Variants in LRP1 observed in about 807,000 individuals in gnomAD.
The protein encoded by LRP1 is LDL receptor related protein 1, also known as prolow-density lipoprotein receptor-related protein 1.
A neutral mutation model predicts 541.5 loss-of-function variants in LRP1; 51 were observed. The observed-to-expected ratio is 0.09, with a 90% CI of 0.08 to 0.12. The LOEUF (loss-of-function observed/expected upper bound fraction) is 0.12. Among genes scored for constraint, LRP1 ranks in the 10% least tolerant of loss-of-function variants. The pLI is 1.00. For synonymous variants in LRP1, 2,219 were observed against 2,470.8 expected, an observed-to-expected ratio of 0.90 and a Z score of 3.02; for missense variants, 3,878 against 6,376.2, an observed-to-expected ratio of 0.61 and a Z score of 13.34.
intron 42 of LRP1, among the ~76,000 whole-genome samples, chr12:57,188,189 C>T (rs144856942): frequency 1.5e-3 from 230 of 152,296 alleles, no homozygotes; most frequent in African/African-American, 5.2e-3. Flanking sequence ...AGGGTTCACC[C>T]GCAGTCAGCC....
At position 57,175,681 on chromosome 12, in the gene LRP1, G is replaced by A. The variant is rs530078568; in HGVS notation, c.3769G>A (p.Asp1257Asn). The A allele has an allele frequency of 8.2e-6, 13 of 1,577,900 alleles. No individual in the cohort carries two copies. The Admixed American group carries it at 1.9e-4, about 23-fold the overall frequency. ...CTACGAGGGCTGGGTCCTGGAACCTGACGGCGAGAGCTGCCGCAGCCTGGG... is the reference window on the plus strand; with the variant it reads ...CTACGAGGGCTGGGTCCTGGAACCTAACGGCGAGAGCTGCCGCAGCCTGGG... ...SCYEGWVLEP[D>N]GESCRSLDPF... The change falls in exon 23 of 89, where the codon GAC (aspartate) becomes AAC (asparagine). Residue 1257 changes from aspartate (D) to asparagine (N), a missense_variant. Asp to Asn is a conservative substitution (Grantham distance 23, BLOSUM62 1). This residue lies in a region of LRP1 where 320 missense variants were observed against 547.9 expected (regional missense o/e 0.58). Coordinates refer to ENST00000243077, the MANE Select transcript of LRP1 (RefSeq NM_002332.3).
intron 6 of LRP1, chr12:57,146,549 T>A (rs2035410171): frequency 6.6e-6 from 1 of 152,098 alleles, no homozygotes; most frequent in Non-Finnish European, 1.5e-5. Flanking sequence ...TCCCAGGAGG[T>A]TACAAGGGAT....
chr12:57,210,564 C>CAGGCG, intron 82 of LRP1, 84 bp downstream of exon 82: 1 of 1,453,116 alleles, frequency 6.9e-7, no homozygotes. Flanking sequence ...GGCAAATGCC[C>CAGGCG]AGCCCCTGCC....
chr12:57,192,981 C>T lies in LRP1; in HGVS notation c.7555+11C>T, dbSNP rs200660908. The T allele has an allele frequency of 6.0e-3, 9,575 of 1,588,270 alleles. 42 individuals carry two copies. Among genetic ancestry groups the T allele is most frequent in the Non-Finnish European group, 7.5e-3 (8,664 of 1,161,444 alleles). On this transcript the variant is annotated intron_variant, in intron 45 of 88. Coordinates refer to ENST00000243077, the MANE Select transcript of LRP1 (RefSeq NM_002332.3). ...ACCTCACCTGCCGAGGTGAGAGAGG[C>T]GGGGGGGAGGGGCTGGCGGGGAACC...
chr12:57,139,198 C>T (rs985613638), intron 2 of LRP1, among the ~76,000 whole-genome samples: 1 of 152,120 alleles, frequency 6.6e-6, no homozygotes, highest in Non-Finnish European at 1.5e-5. Context: ...GGTGGCTCCA[C>T]TTTTAGCCTC....
At chr12:57,153,213 A>T (rs1289479897) in intron 6 of LRP1, among the ~76,000 whole-genome samples, 6 of 152,136 alleles carry the variant, frequency 3.9e-5, no homozygotes. Context: ...TGAAGGGGGT[A>T]GTGAGTAGAT....
intron 6 of LRP1, among the ~76,000 whole-genome samples, chr12:57,147,781 G>C (rs1442064994): frequency 6.6e-6 from 1 of 152,188 alleles, no homozygotes. Flanking sequence ...CATGTGTCCT[G>C]GGCCATGTGA....
rs750572405 is a variant in LRP1, at chr12:57,212,005, G to A, written c.13337G>A (p.Arg4446Gln). ...LVAGVVFWYK[R>Q]RVQGAKGFQH... is the part of the protein sequence containing the mutation. ...GCCGGAGTGGTATTCTGGTATAAGCGGCGAGTCCAAGGGTGAGTCACAGGG... is the reference window on the plus strand; with the variant it reads ...GCCGGAGTGGTATTCTGGTATAAGCAGCGAGTCCAAGGGTGAGTCACAGGG... The change falls in exon 87 of 89, where the codon CGG becomes CAG. Residue 4446 changes from arginine (R) to glutamine (Q), a missense_variant. Arg to Gln is a conservative substitution (Grantham distance 43). This residue lies in a region of LRP1 where 871 missense variants were observed against 1,212.4 expected (regional missense o/e 0.72). Transcript: ENST00000243077. The surrounding 1 kb of genome is among the most constrained non-coding windows in gnomAD (Gnocchi z 5.0). The A allele has an allele frequency of 1.1e-5, 18 of 1,613,938 alleles. No homozygotes were observed. Among genetic ancestry groups the A allele is most frequent in the South Asian group, 2.2e-5 (2 of 91,076 alleles).
chr12:57,181,963 A>G (rs977197033), intron 34 of LRP1, among the ~76,000 whole-genome samples: 2 of 152,230 alleles, frequency 1.3e-5, no homozygotes, highest in African/African-American at 4.8e-5. Flanking sequence ...AGATTTTACC[A>G]AAAGAAACTC....
At chr12:57,143,851 G>C in intron 4 of LRP1, 53 bp downstream of exon 4, 1 of 1,565,628 alleles carries the variant, frequency 6.4e-7, no homozygotes, top group East Asian at 2.3e-5. Context: ...AGCCAGTTGA[G>C]GTGGGCAGGG....
rs1029301848 is a variant in LRP1, at chr12:57,197,481, C to T, written c.9163-64C>T. 6.2e-7 allele frequency: 1 copy of T among 1,613,210 alleles called. No homozygotes were observed. Among genetic ancestry groups the T allele is most frequent in the African/African-American group, 1.3e-5 (1 of 74,880 alleles). On this transcript the variant is annotated intron_variant, in intron 57 of 88. Coordinates refer to ENST00000243077, the MANE Select transcript of LRP1 (RefSeq NM_002332.3). This position sits in a 1 kb window ranked among gnomAD's most constrained non-coding sequence, Gnocchi z 4.5. ...CGCTTAGGTCCAACCATCCCTCCCC[C>T]AGATGCAAATGTGGCCCCTGTTGCC...
chr12:57,192,064 ACACACAC>A (rs921756994), intron 44 of LRP1, among the ~76,000 whole-genome samples: 1 of 146,824 alleles, frequency 6.8e-6, no homozygotes, highest in African/African-American at 2.5e-5. Flanking sequence ...CACAGCACAC[ACACACAC>A]CACACACCAC....
At position 57,184,486 on chromosome 12, in the gene LRP1, T is replaced by C; in HGVS notation, c.6186+34T>C. ...GCCAACTTGGCCTTGGATCCGATGG[T>C]AGACCCCTGACCCAGGCTCCTGTTC... On this transcript the variant is annotated intron_variant, in intron 38 of 88. Transcript: ENST00000243077. The surrounding 1 kb of genome is among the most constrained non-coding windows in gnomAD (Gnocchi z 7.8). 2 of 1,613,398 alleles carry C rather than the reference T, an allele frequency of 1.2e-6. No homozygotes were observed. Among genetic ancestry groups the C allele is most frequent in the Non-Finnish European group, 1.7e-6 (2 of 1,179,772 alleles).
chr12:57,144,784 T>C, intron 4 of LRP1, 188 bp from the exon 5 acceptor site: 1 of 626,312 alleles, frequency 1.6e-6, no homozygotes. Flanking sequence ...CGAGTGTTTC[T>C]CTAGAGTGGA....
intron 41 of LRP1, among the ~76,000 whole-genome samples, chr12:57,186,590 T>A (rs1403352065): frequency 6.6e-6 from 1 of 152,202 alleles, no homozygotes; most frequent in African/African-American, 2.4e-5. Flanking sequence ...CATTTTCTGC[T>A]GCACATAGTC....
chr12:57,142,797 G>T (rs1360971075), intron 3 of LRP1, among the ~76,000 whole-genome samples: 2 of 152,192 alleles, frequency 1.3e-5, no homozygotes, highest in Non-Finnish European at 2.9e-5. Context: ...CAGGCAGCAT[G>T]AATGGCTCTC....
intron 55 of LRP1, 64 bp downstream of exon 55, chr12:57,196,341 G>C: frequency 7.2e-7 from 1 of 1,383,236 alleles, no homozygotes; most frequent in Non-Finnish European, 9.7e-7. Flanking sequence ...TTTCTCCACT[G>C]CCTTATTCAT....
At position 57,159,798 on chromosome 12, in the gene LRP1, C is replaced by T. The variant is rs202173926; in HGVS notation, c.1799-27C>T. On this transcript the variant is annotated intron_variant, in intron 11 of 88. Coordinates refer to ENST00000243077, the MANE Select transcript of LRP1 (RefSeq NM_002332.3). ...GCTTTGAACTTCCTTTGAAGCTGTT[C>T]ATCACTGGTCCCTCTTCCCCCAACA... 4,440 of 1,611,704 alleles carry T rather than the reference C, an allele frequency of 2.8e-3. 12 individuals are homozygous for T. Among genetic ancestry groups the T allele is most frequent in the Non-Finnish European group, 3.4e-3 (4,012 of 1,177,922 alleles).
In LRP1 at chr12:57,208,794, A is replaced by G; in HGVS notation, c.12122A>G (p.Gln4041Arg). Residue 4041 changes from glutamine (Q) to arginine (R), a missense_variant, in exon 78 of 89, where the codon CAG becomes CGG. Gln to Arg is a conservative substitution (Grantham distance 43). Transcript: ENST00000243077. Reference sequence around the variant, plus strand: ...GGGACGCTTCGGGAGACACTGGTGCAGGACAACATTCAGTGGCCCACAGGT... The same window carrying G: ...GGGACGCTTCGGGAGACACTGGTGCGGGACAACATTCAGTGGCCCACAGGT... ...MDGTLRETLV[Q>R]DNIQWPTGLA... 6.2e-7 allele frequency: 1 copy of G among 1,614,056 alleles called. No homozygotes were observed.
Sources: gnomAD v4.1 joint callset for allele counts (sites outside exome capture counted in the v4.1 genomes callset) on GRCh38, gnomAD v4.1.1 for gene constraint, gnomAD v4.1.1 regional missense constraint, Gnocchi (gnomAD v3.1) non-coding constraint, MANE v1.5 for transcripts, NCBI Gene and HGNC (gene_info 2026-07-23, HGNC 2026-07-21) for gene names.